The following RAP2A variants were observed in gnomAD, a reference collection of about 807,000 sequenced individuals.
The protein encoded by RAP2A is RAP2A, member of RAS oncogene family, also known as ras-related protein Rap-2a.
A neutral mutation model predicts 15.1 loss-of-function variants in RAP2A; 5 were observed. That is an observed-to-expected ratio of 0.33 (90% confidence interval 0.17 to 0.70). The LOEUF is 0.70. RAP2A is among the 30% of genes least tolerant of loss of function. The pLI is 0.68. For missense variants in RAP2A, 111 were observed against 240.3 expected, an observed-to-expected ratio of 0.46 and a Z score of 3.56; for synonymous variants, 110 against 99.7, an observed-to-expected ratio of 1.10 and a Z score of -0.62.
intron 1 of RAP2A, among the ~76,000 whole-genome samples, chr13:97,441,499 G>A (rs913410048): frequency 2.0e-5 from 3 of 151,968 alleles, no homozygotes; most frequent in Non-Finnish European, 4.4e-5. Context: ...GGCACAATAA[G>A]GTGCATATAT....
intron 1 of RAP2A, among the ~76,000 whole-genome samples, chr13:97,446,177 A>T (rs1331668544): frequency 6.6e-6 from 1 of 152,146 alleles, no homozygotes; most frequent in Non-Finnish European, 1.5e-5. Context: ...TGTTCTCTAC[A>T]TTTATTTACA....
rs749392824 is a variant in RAP2A, at chr13:97,464,214, A to G, written c.324A>G (p.Lys108=). The change falls in exon 2 of 2, where the codon AAA becomes AAG. Residue 108 remains lysine, a synonymous_variant. Transcript: ENST00000245304. The part of the protein sequence containing the change: ...DQIIRVKRYE[K]VPVILVGNKV... ...GTTTATTCTCTCATAGGTATGAGAA[A>G]GTGCCAGTCATCTTGGTTGGGAACA... 1.2e-6 allele frequency: 2 copies of G among 1,614,172 alleles called. No homozygotes were observed. The highest frequency in any genetic ancestry group is 2.2e-5 in the East Asian group (1 of 44,882).
At chr13:97,447,874 C>G (rs1238503845) in intron 1 of RAP2A, among the ~76,000 whole-genome samples, 1 of 152,170 alleles carries the variant, frequency 6.6e-6, no homozygotes, top group East Asian at 1.9e-4. Flanking sequence ...CCCTTGCCTT[C>G]CTCAGGTCCC....
At chr13:97,449,532 T>A (rs12184576) in intron 1 of RAP2A, among the ~76,000 whole-genome samples, 3,971 of 152,230 alleles carry the variant, frequency 0.026, 67 homozygotes, top group South Asian at 0.039. Flanking sequence ...TATTGGACAC[T>A]CTGTTGCTTA....
intron 1 of RAP2A, among the ~76,000 whole-genome samples, chr13:97,452,518 T>C (rs1202685754): frequency 6.6e-6 from 1 of 151,302 alleles, no homozygotes; most frequent in African/African-American, 2.4e-5. Flanking sequence ...TTTTTGTAAC[T>C]TTATAGTAAG....
chr13:97,453,927 A>G (rs908262357), intron 1 of RAP2A, among the ~76,000 whole-genome samples: 5 of 150,966 alleles, frequency 3.3e-5, no homozygotes, highest in Admixed American at 3.3e-4. Context: ...TCAAGTTCTT[A>G]TTTGCCATCT....
At chr13:97,460,726 C>G (rs2066742746) in intron 1 of RAP2A, among the ~76,000 whole-genome samples, 1 of 152,170 alleles carries the variant, frequency 6.6e-6, no homozygotes, top group Admixed American at 6.5e-5. Context: ...CTTAGAATGC[C>G]TTTCCCACAG....
chr13:97,440,220 T>C (rs2066651523), intron 1 of RAP2A, among the ~76,000 whole-genome samples: 2 of 152,136 alleles, frequency 1.3e-5, no homozygotes, highest in South Asian at 4.1e-4. Flanking sequence ...GTACAGAGCC[T>C]AATAGCTGTG....
intron 1 of RAP2A, among the ~76,000 whole-genome samples, chr13:97,441,103 G>GT (rs2066655739): frequency 6.6e-6 from 1 of 152,142 alleles, no homozygotes; most frequent in Admixed American, 6.5e-5. Flanking sequence ...TCAATTTGGA[G>GT]TTGGAGGAGA....
intron 1 of RAP2A, among the ~76,000 whole-genome samples, chr13:97,446,344 T>C (rs2066679584): frequency 6.6e-6 from 1 of 152,210 alleles, no homozygotes; most frequent in African/African-American, 2.4e-5. Context: ...ATAAACAGTA[T>C]CTTTCTTTGA....
chr13:97,439,150 T>C (rs1163902020), intron 1 of RAP2A, among the ~76,000 whole-genome samples: 7 of 152,170 alleles, frequency 4.6e-5, no homozygotes, highest in Non-Finnish European at 7.4e-5. Flanking sequence ...GGGGAATGTA[T>C]ATAGAAGTGT....
At chr13:97,450,902 G>A (rs181933734) in intron 1 of RAP2A, among the ~76,000 whole-genome samples, 2 of 152,164 alleles carry the variant, frequency 1.3e-5, no homozygotes, top group Admixed American at 1.3e-4. Flanking sequence ...AGAGCACTGT[G>A]GTCAATTGGA....
intron 1 of RAP2A, among the ~76,000 whole-genome samples, chr13:97,440,680 C>T (rs2066653794): frequency 1.3e-5 from 2 of 152,164 alleles, no homozygotes; most frequent in South Asian, 2.1e-4. Flanking sequence ...GTACAAAAAG[C>T]CAGACATATT....
chr13:97,451,687 T>C (rs145529817), intron 1 of RAP2A, among the ~76,000 whole-genome samples: 2,881 of 145,054 alleles, frequency 0.02, 164 homozygotes, highest in African/African-American at 0.068. Flanking sequence ...TGGTGTAGCA[T>C]TATTGGATCA....
intron 1 of RAP2A, among the ~76,000 whole-genome samples, chr13:97,445,065 C>CT (rs1246388531): frequency 6.6e-6 from 1 of 152,162 alleles, no homozygotes; most frequent in Non-Finnish European, 1.5e-5. Flanking sequence ...TATAAGGGCA[C>CT]TAATCCCATT....
At chr13:97,457,241 G>A (rs899253771) in intron 1 of RAP2A, among the ~76,000 whole-genome samples, 9 of 151,518 alleles carry the variant, frequency 5.9e-5, no homozygotes, top group East Asian at 1.9e-4. Context: ...GTATAAACAC[G>A]TGAGAGATAT....
At chr13:97,460,512 T>A (rs1384079937) in intron 1 of RAP2A, among the ~76,000 whole-genome samples, 1 of 152,142 alleles carries the variant, frequency 6.6e-6, no homozygotes, top group Non-Finnish European at 1.5e-5. Flanking sequence ...CTAGTCTGTT[T>A]GGTTTCTTTT....
intron 1 of RAP2A, among the ~76,000 whole-genome samples, chr13:97,460,984 C>T (rs1240240761): frequency 1.3e-5 from 2 of 152,146 alleles, no homozygotes; most frequent in Non-Finnish European, 2.9e-5. Context: ...TCCTTCTTCA[C>T]CCTTTGTGGC....
intron 1 of RAP2A, among the ~76,000 whole-genome samples, chr13:97,442,131 A>G (rs2066660275): frequency 6.6e-6 from 1 of 152,150 alleles, no homozygotes; most frequent in Non-Finnish European, 1.5e-5. Flanking sequence ...AATTGTGGAC[A>G]TCTGCATTTC....
Sources: gnomAD v4.1 joint callset for allele counts (sites outside exome capture counted in the v4.1 genomes callset) on GRCh38, gnomAD v4.1.1 for gene constraint, MANE v1.5 for transcripts, NCBI Gene and HGNC (gene_info 2026-07-23, HGNC 2026-07-21) for gene names.